Variants in CDH18 observed in about 807,000 individuals in gnomAD.
CDH18 encodes the protein cadherin 18, also known as cadherin-18.
A neutral mutation model predicts 67.9 loss-of-function variants in CDH18; 31 were observed. The observed-to-expected ratio is 0.46, with a 90% CI of 0.34 to 0.62. The LOEUF (loss-of-function observed/expected upper bound fraction) is 0.62. Among genes scored for constraint, CDH18 ranks in the 20% least tolerant of loss-of-function variants. The pLI is 0.01. For synonymous variants in CDH18, 362 were observed against 347.2 expected, an observed-to-expected ratio of 1.04 and a Z score of -0.48; for missense variants, 890 against 975.5, an observed-to-expected ratio of 0.91 and a Z score of 1.17.
At chr5:20,447,907 T>C (rs140435655) in intron 1 of CDH18, among the ~76,000 whole-genome samples, 117 of 152,216 alleles carry the variant, frequency 7.7e-4, no homozygotes, top group Non-Finnish European at 1.2e-3. Context: ...TTTTTTAATA[T>C]TTCTTTTTAT....
At chr5:19,481,370 A>AT (rs1579696730) in intron 12 of CDH18, among the ~76,000 whole-genome samples, 1 of 152,044 alleles carries the variant, frequency 6.6e-6, no homozygotes, top group Admixed American at 6.6e-5. Flanking sequence ...ATCAAAGATC[A>AT]TTTTTCTGAG....
chr5:20,273,163 T>C (rs1488107001), intron 1 of CDH18, among the ~76,000 whole-genome samples: 1 of 152,030 alleles, frequency 6.6e-6, no homozygotes, highest in Non-Finnish European at 1.5e-5. Flanking sequence ...TTTTGTTTTG[T>C]AAAAACAAAA....
chr5:19,722,188 G>A (rs189617685), intron 4 of CDH18, among the ~76,000 whole-genome samples: 67 of 152,152 alleles, frequency 4.4e-4, no homozygotes, highest in Middle Eastern at 6.8e-3. Flanking sequence ...TGAGTAGCTA[G>A]GACTACAGGC....
At chr5:19,555,104 T>C (rs1341363155) in intron 8 of CDH18, among the ~76,000 whole-genome samples, 1 of 152,186 alleles carries the variant, frequency 6.6e-6, no homozygotes, top group Non-Finnish European at 1.5e-5. Flanking sequence ...TTATACCAAA[T>C]GGTACTTCAG....
At chr5:19,489,944 AT>A (rs1741120028) in intron 11 of CDH18, among the ~76,000 whole-genome samples, 1 of 79,210 alleles carries the variant, frequency 1.3e-5, no homozygotes, top group East Asian at 5.4e-4. Flanking sequence ...ACATACAACT[AT>A]AATATAATAA....
chr5:19,669,388 G>A (rs1040105741), intron 5 of CDH18, among the ~76,000 whole-genome samples: 1 of 151,398 alleles, frequency 6.6e-6, no homozygotes, highest in African/African-American at 2.4e-5. Context: ...CGCTTCCCAG[G>A]TTCAAGTGAT....
intron 3 of CDH18, among the ~76,000 whole-genome samples, chr5:19,836,745 C>T (rs370731264): frequency 2.0e-5 from 3 of 152,024 alleles, no homozygotes; most frequent in African/African-American, 4.8e-5. Context: ...TCTTTGCCCA[C>T]GCCTACATCC....
chr5:20,457,068 G>A (rs1386196240), intron 1 of CDH18, among the ~76,000 whole-genome samples: 1 of 152,150 alleles, frequency 6.6e-6, no homozygotes, highest in Non-Finnish European at 1.5e-5. Flanking sequence ...CAGAGAACAA[G>A]ACTACTTTTA....
rs367929707 is a variant in CDH18 at position 20,489,093 on chromosome 5, A to G, written c.-580+86369T>C. On this transcript the variant is annotated intron_variant, in intron 1 of 14. Transcript: ENST00000507958. ...AAAAATCTATTTTCATATCTCTATT[A>G]CATACATCCAGGAAACTTGCTGAGA... Among the ~76,000 whole-genome samples the G allele has an allele frequency of 4.6e-5, 7 of 152,160 alleles. No individual in the cohort carries two copies. The East Asian group carries it at 1.2e-3, about 25-fold the overall frequency.
At chr5:19,925,043 C>T (rs1561570446) in intron 2 of CDH18, among the ~76,000 whole-genome samples, 1 of 152,108 alleles carries the variant, frequency 6.6e-6, no homozygotes, top group Admixed American at 6.5e-5. Flanking sequence ...CATAAACAGT[C>T]AGAGAAGACC....
intron 8 of CDH18, among the ~76,000 whole-genome samples, chr5:19,545,646 G>C (rs1289778832): frequency 6.6e-6 from 1 of 152,088 alleles, no homozygotes; most frequent in Non-Finnish European, 1.5e-5. Flanking sequence ...TAAATCACAG[G>C]TGACTCCATT....
In CDH18 at chr5:19,931,940, T is replaced by C. The variant is rs560410838; in HGVS notation, c.-257+49120A>G. On this transcript the variant is annotated intron_variant, in intron 2 of 12. Coordinates refer to ENST00000382275, the MANE Select transcript of CDH18 (RefSeq NM_004934.5). ...CCCCTTTTCCTCCCATTGTTCCCTCTATCCTATGCCACCTCTCTTTATCTT... is the reference window on the plus strand; with the variant it reads ...CCCCTTTTCCTCCCATTGTTCCCTCCATCCTATGCCACCTCTCTTTATCTT... Among the ~76,000 whole-genome samples the C allele has an allele frequency of 2.6e-5, 4 of 151,930 alleles. No homozygotes were observed. The South Asian group carries it at 8.3e-4, about 32-fold the overall frequency.
intron 2 of CDH18, among the ~76,000 whole-genome samples, chr5:20,183,711 A>G (rs1737874037): frequency 6.6e-6 from 1 of 152,122 alleles, no homozygotes; most frequent in African/African-American, 2.4e-5. Context: ...TTTCTGTTTA[A>G]CTAGACTTTT....
chr5:20,024,231 T>C (rs955419585), intron 2 of CDH18, among the ~76,000 whole-genome samples: 1 of 152,210 alleles, frequency 6.6e-6, no homozygotes, highest in African/African-American at 2.4e-5. Flanking sequence ...AATGTAAATA[T>C]TTGTTTGGCC....
chr5:19,843,429 G>A (rs763357079), intron 2 of CDH18, among the ~76,000 whole-genome samples: 112 of 152,332 alleles, frequency 7.4e-4, no homozygotes, highest in Admixed American at 2.4e-3. Flanking sequence ...CAGAAGTGAA[G>A]AATTGAGGTT....
chr5:20,299,592 C>G (rs1240209139), intron 1 of CDH18, among the ~76,000 whole-genome samples: 2 of 151,840 alleles, frequency 1.3e-5, no homozygotes, highest in Admixed American at 6.6e-5. Flanking sequence ...AACCCCGTCT[C>G]TACTAAAAAT....
intron 2 of CDH18, among the ~76,000 whole-genome samples, chr5:20,148,660 A>T (rs533926262): frequency 6.6e-6 from 1 of 152,176 alleles, no homozygotes; most frequent in Admixed American, 6.5e-5. Context: ...AAACTTAATT[A>T]TTTATCTCCA....
intron 11 of CDH18, among the ~76,000 whole-genome samples, chr5:19,498,102 T>A (rs779614180): frequency 5.3e-5 from 8 of 152,108 alleles, no homozygotes; most frequent in South Asian, 2.1e-4. Context: ...AACTAAGGAA[T>A]CTTAAATTTA....
Position 19,947,585 on chromosome 5 carries a change from CAAAA to C in CDH18, c.-257+33471_-257+33474del, listed in dbSNP as rs35601486. 2.7e-3 allele frequency among the ~76,000 whole-genome samples: 144 copies of C among 53,300 alleles called. No individual in the cohort carries two copies. The South Asian group carries it at 0.042, about 16-fold the overall frequency. The allele number at this position is 53,300 out of a possible 152,430, so 35.0% of individuals were successfully genotyped here. ...GTGAAACTCCATCTCTACTAAAATA[CAAAA>C]AAAAAAAAAAAAAAAAAAAAAAAAA... On this transcript the variant is annotated intron_variant, in intron 2 of 12. Transcript: ENST00000382275.
Sources: gnomAD v4.1 joint callset for allele counts (sites outside exome capture counted in the v4.1 genomes callset) on GRCh38, gnomAD v4.1.1 for gene constraint, MANE v1.5 for transcripts, NCBI Gene and HGNC (gene_info 2026-07-23, HGNC 2026-07-21) for gene names.